CABYR: variants seen among roughly 807,000 people sequenced by gnomAD.
CABYR encodes calcium-binding tyrosine phosphorylation-regulated protein.
CABYR carries 31 observed loss-of-function variants against 36.1 expected under a neutral mutation model. That is an observed-to-expected ratio of 0.86 (90% CI 0.64 to 1.16). The LOEUF (loss-of-function observed/expected upper bound fraction) is 1.16. Ranked by LOEUF, CABYR falls within the 50% of genes most tolerant of loss-of-function variation. The pLI, the probability that CABYR is intolerant of heterozygous loss-of-function variation, is 0.00. For missense variants in CABYR, 429 were observed against 455.8 expected (o/e 0.94, Z 0.53); for synonymous variants, 146 against 160.7 (o/e 0.91, Z 0.69).
intron 4 of CABYR, chr18:24,156,383 A>G: frequency 5.0e-6 from 8 of 1,614,226 alleles, no homozygotes; most frequent in Non-Finnish European, 6.8e-6. Context: ...TTCATATATC[A>G]TCTGTCTATA....
In CABYR at chr18:24,143,637, ATCC is replaced by A. The variant is rs575897781; in HGVS notation, c.199+229_199+231del. Among the ~76,000 whole-genome samples, 524 of 150,118 alleles carry A rather than the reference ATCC, an allele frequency of 3.5e-3. 5 individuals carry two copies. Among genetic ancestry groups the A allele is most frequent in the African/African-American group, 0.013 (515 of 40,784 alleles). The stretch of plus-strand genomic sequence containing the variant: ...GCTCACTGCAGCCTGGGCTCAAGGG[ATCC>A]TCCTGTCTTAGCCTCCCAAGTAGCT... On this transcript the variant is annotated intron_variant, in intron 3 of 5. Transcript: ENST00000399496.
chr18:24,156,261 G>T, intron 4 of CABYR: 2 of 1,614,078 alleles, frequency 1.2e-6, no homozygotes, highest in Non-Finnish European at 1.7e-6. Context: ...AGAAAATGAG[G>T]CTGAACCATC....
At chr18:24,157,311 T>G (rs538980253) in intron 4 of CABYR, among the ~76,000 whole-genome samples, 5 of 152,222 alleles carry the variant, frequency 3.3e-5, no homozygotes, top group Non-Finnish European at 5.9e-5. Flanking sequence ...ATTCATGTGA[T>G]CTGAATATGC....
At chr18:24,154,792 C>G (rs1599391018) in intron 3 of CABYR, among the ~76,000 whole-genome samples, 2 of 152,310 alleles carry the variant, frequency 1.3e-5, no homozygotes, top group Admixed American at 1.3e-4. Context: ...AGTTTTCCAA[C>G]TCTAGGATTT....
At chr18:24,140,691 C>T (rs1238682017) in intron 1 of CABYR, among the ~76,000 whole-genome samples, 1 of 150,628 alleles carries the variant, frequency 6.6e-6, no homozygotes, top group East Asian at 1.9e-4. Flanking sequence ...CCCTCCCCCA[C>T]CCAGGCCCCA....
At chr18:24,149,626 C>G (rs4800552) in intron 3 of CABYR, among the ~76,000 whole-genome samples, 6 of 152,072 alleles carry the variant, frequency 3.9e-5, no homozygotes, top group African/African-American at 1.4e-4. Context: ...CGGGGAGGCT[C>G]GGGCCGCACA....
intron 4 of CABYR, among the ~76,000 whole-genome samples, chr18:24,157,282 G>A (rs1159581953): frequency 6.6e-6 from 1 of 152,142 alleles, no homozygotes; most frequent in Admixed American, 6.5e-5. Flanking sequence ...AGTATAGCCT[G>A]TTGTCAGGTA....
At chr18:24,149,043 T>C (rs373452484) in intron 3 of CABYR, among the ~76,000 whole-genome samples, 1 of 152,132 alleles carries the variant, frequency 6.6e-6, no homozygotes, top group East Asian at 1.9e-4. Flanking sequence ...AGGGTGCTGA[T>C]TGGTGCGTTT....
At chr18:24,152,609 T>C (rs2085670703) in intron 3 of CABYR, 1 of 152,230 alleles carries the variant, frequency 6.6e-6, no homozygotes, top group African/African-American at 2.4e-5. Context: ...TGAGCTTTTT[T>C]AACATTTAAA....
At chr18:24,158,308 G>A (rs373180037) in intron 4 of CABYR, among the ~76,000 whole-genome samples, 5 of 143,784 alleles carry the variant, frequency 3.5e-5, no homozygotes, top group South Asian at 4.6e-4. Flanking sequence ...AATCATGTGC[G>A]TAGTATTATT....
rs534574947 is a variant in CABYR, at chr18:24,148,046, AAGG to A, written c.199+4639_199+4641del. ...GTGTTATGCCTGTGTTTACATCAGG[AAGG>A]AGGAGAAAGTGGTGGCAGTGGTGAC... On this transcript the variant is annotated intron_variant, in intron 3 of 5. Coordinates refer to ENST00000399496, the MANE Select transcript of CABYR (RefSeq NM_153769.3). Among the ~76,000 whole-genome samples the A allele has an allele frequency of 6.4e-3, 978 of 152,286 alleles. 2 individuals are homozygous for A. The highest frequency in any genetic ancestry group is 0.01 in the Non-Finnish European group (706 of 68,014).
intron 1 of CABYR, among the ~76,000 whole-genome samples, chr18:24,140,743 G>C (rs545152306): frequency 5.5e-4 from 73 of 133,818 alleles, no homozygotes; most frequent in African/African-American, 2.1e-3. Context: ...CTCTATGTCC[G>C]TGGGTTCAAT....
intron 5 of CABYR, 62 bp downstream of exon 5, chr18:24,160,131 A>G (rs2085913858): frequency 6.1e-6 from 7 of 1,142,094 alleles, no homozygotes; most frequent in Non-Finnish European, 7.6e-6. Context: ...AAGCATTTTG[A>G]TTTCTTGACC....
chr18:24,147,618 AC>A (rs1251239963), intron 3 of CABYR, among the ~76,000 whole-genome samples: 1 of 152,164 alleles, frequency 6.6e-6, no homozygotes, highest in Non-Finnish European at 1.5e-5. Context: ...GGTATATGGG[AC>A]ACAGCCCAGA....
intron 3 of CABYR, among the ~76,000 whole-genome samples, chr18:24,150,990 A>G (rs1599384999): frequency 6.6e-6 from 1 of 152,118 alleles, no homozygotes; most frequent in Non-Finnish European, 1.5e-5. Flanking sequence ...CGTGTTAGCC[A>G]GGATGGCCCA....
At chr18:24,141,328 T>A (rs977415340) in intron 1 of CABYR, among the ~76,000 whole-genome samples, 3 of 152,242 alleles carry the variant, frequency 2.0e-5, no homozygotes, top group African/African-American at 7.2e-5. Context: ...AACTGAACTA[T>A]GCCACTTAAC....
At chr18:24,154,535 G>A (rs2085723313) in intron 3 of CABYR, among the ~76,000 whole-genome samples, 1 of 152,220 alleles carries the variant, frequency 6.6e-6, no homozygotes, top group Non-Finnish European at 1.5e-5. Context: ...AACATCAGCA[G>A]CCAATGTCAA....
At chr18:24,142,177 G>A (rs375297191) in intron 1 of CABYR, among the ~76,000 whole-genome samples, 6 of 151,998 alleles carry the variant, frequency 3.9e-5, no homozygotes, top group South Asian at 4.2e-4. Context: ...AAAATTAGCC[G>A]GGCGTGGTGG....
chr18:24,156,910 G>A (rs1329699678), intron 4 of CABYR: 1 of 1,614,062 alleles, frequency 6.2e-7, no homozygotes, highest in Admixed American at 1.7e-5. Flanking sequence ...TCATCTAGTG[G>A]CCCCTTCCCT....
Sources: gnomAD v4.1 joint callset for allele counts (sites outside exome capture counted in the v4.1 genomes callset) on GRCh38, gnomAD v4.1.1 for gene constraint, MANE v1.5 for transcripts, NCBI Gene and HGNC (gene_info 2026-07-23, HGNC 2026-07-21) for gene names.